Variants in ZNF624 observed in about 807,000 individuals in gnomAD.
ZNF624 encodes the protein zinc finger protein 624.
Under a neutral mutation model 74.7 loss-of-function variants are expected in ZNF624, and 43 were observed. That is an observed-to-expected ratio of 0.58 (90% confidence interval 0.45 to 0.74). The LOEUF (loss-of-function observed/expected upper bound fraction) is 0.74. Among genes scored for constraint, ZNF624 ranks in the 30% least tolerant of loss-of-function variants. The probability of loss-of-function intolerance (pLI) is 0.00; values close to 1 mark genes in which losing one functional copy is unlikely to be tolerated. For synonymous variants in ZNF624, 331 were observed against 341.3 expected (o/e 0.97, Z 0.33); for missense variants, 820 against 1,030.0 (o/e 0.80, Z 2.79).
At chr17:16,626,784 C>A (rs1042963650) in intron 5 of ZNF624, among the ~76,000 whole-genome samples, 1 of 152,030 alleles carries the variant, frequency 6.6e-6, no homozygotes, top group African/African-American at 2.4e-5. Context: ...AGGCCGGGCA[C>A]AGTGGCTCAC....
chr17:16,615,332 C>T, the ZNF624 span, among the ~76,000 whole-genome samples: 4 of 152,088 alleles, frequency 2.6e-5, no homozygotes, highest in East Asian at 3.9e-4. Context: ...CTCCTGACCT[C>T]GTGGTCTGCC....
downstream of ZNF624, among the ~76,000 whole-genome samples, chr17:16,615,956 C>CATATATATATATATAT (rs56321425): frequency 1.1e-4 from 10 of 90,304 alleles, no homozygotes; most frequent in East Asian, 2.7e-4. Context: ...ATTCCATATA[C>CATATATATATATATAT]ATATATATAT....
intron 1 of ZNF624, among the ~76,000 whole-genome samples, chr17:16,653,366 C>G (rs1052157461): frequency 3.9e-5 from 6 of 152,282 alleles, no homozygotes; most frequent in African/African-American, 7.2e-5. Context: ...CTCCTCTACC[C>G]ACTTCGGGTA....
chr17:16,648,927 A>G (rs1338053335), intron 2 of ZNF624, among the ~76,000 whole-genome samples: 1 of 152,234 alleles, frequency 6.6e-6, no homozygotes. Flanking sequence ...AACTATCTTC[A>G]TAAATACTTT....
intron 3 of ZNF624, among the ~76,000 whole-genome samples, chr17:16,643,284 C>A (rs1351249759): frequency 1.3e-5 from 2 of 152,198 alleles, no homozygotes; most frequent in Admixed American, 1.3e-4. Context: ...TACTCATCAA[C>A]TGACAAACGG....
downstream of ZNF624, chr17:16,616,935 G>C (rs1313412728): frequency 6.4e-7 from 1 of 1,557,700 alleles, no homozygotes; most frequent in African/African-American, 1.4e-5. Context: ...TTGGTGGAGG[G>C]GACACAGAGC....
downstream of ZNF624, chr17:16,617,723 G>A (rs1908821686): frequency 1.2e-6 from 2 of 1,603,236 alleles, no homozygotes; most frequent in Non-Finnish European, 1.7e-6. Flanking sequence ...TGTTCAGCTC[G>A]TAAAGGGCGT....
intron 3 of ZNF624, among the ~76,000 whole-genome samples, chr17:16,637,669 G>C (rs540457198): frequency 1.4e-4 from 21 of 152,304 alleles, no homozygotes; most frequent in African/African-American, 4.3e-4. Context: ...GCCATATGTA[G>C]AAAGCTGAAA....
intron 3 of ZNF624, among the ~76,000 whole-genome samples, chr17:16,642,128 CT>C (rs948815056): frequency 6.6e-6 from 1 of 151,274 alleles, no homozygotes; most frequent in Non-Finnish European, 1.5e-5. Flanking sequence ...TTCCATCTGG[CT>C]TTTTTTTTCC....
intron 3 of ZNF624, among the ~76,000 whole-genome samples, chr17:16,645,047 A>G (rs568993810): frequency 1.1e-4 from 16 of 152,356 alleles, no homozygotes; most frequent in African/African-American, 3.4e-4. Context: ...CAGTCTGGAC[A>G]TGGTATTGAC....
At chr17:16,645,876 C>T (rs553628640) in intron 3 of ZNF624, among the ~76,000 whole-genome samples, 59 of 133,280 alleles carry the variant, frequency 4.4e-4, no homozygotes, top group Middle Eastern at 4.6e-3. Context: ...CGCTTGTACC[C>T]GGGAGGCAGA....
Position 16,645,812 on chromosome 17 carries a change from C to T in ZNF624, c.153+1517G>A, listed in dbSNP as rs549013251. ...ACTGAAAATACAAAAATTAGCCGCC[C>T]GTGGTAGTAGGTCCCTGTAATCCCG... On this transcript the variant is annotated intron_variant, in intron 3 of 5. Transcript: ENST00000311331. Among the ~76,000 whole-genome samples the T allele has an allele frequency of 8.6e-5, 13 of 151,198 alleles. No individual in the cohort carries two copies. In the South Asian group the frequency reaches 2.1e-3, roughly 24 times the overall value.
intron 3 of ZNF624, among the ~76,000 whole-genome samples, chr17:16,645,809 G>A (rs956644334): frequency 2.6e-5 from 4 of 151,380 alleles, no homozygotes; most frequent in Admixed American, 6.6e-5. Context: ...AAAATTAGCC[G>A]CCCGTGGTAG....
downstream of ZNF624, among the ~76,000 whole-genome samples, chr17:16,619,420 A>G (rs1434055176): frequency 6.6e-6 from 1 of 152,106 alleles, no homozygotes; most frequent in East Asian, 1.9e-4. Context: ...TAAGCTGCAG[A>G]TGAGATATGT....
At chr17:16,645,710 G>A (rs1909574419) in intron 3 of ZNF624, among the ~76,000 whole-genome samples, 1 of 150,908 alleles carries the variant, frequency 6.6e-6, no homozygotes, top group Admixed American at 6.6e-5. Flanking sequence ...CCAGCATTTT[G>A]GGAGGCTGAG....
chr17:16,628,696 G>A (rs1909131867), intron 5 of ZNF624, among the ~76,000 whole-genome samples: 1 of 151,922 alleles, frequency 6.6e-6, no homozygotes, highest in African/African-American at 2.4e-5. Flanking sequence ...CAGAGTCCTA[G>A]AAGGTTACAA....
chr17:16,651,860 G>C (rs1357270912), intron 1 of ZNF624, among the ~76,000 whole-genome samples: 4 of 152,036 alleles, frequency 2.6e-5, no homozygotes, highest in African/African-American at 9.7e-5. Flanking sequence ...CTAGATGTGA[G>C]GCACAGAAAT....
At chr17:16,644,804 C>T (rs950752726) in intron 3 of ZNF624, among the ~76,000 whole-genome samples, 3 of 152,050 alleles carry the variant, frequency 2.0e-5, no homozygotes, top group Non-Finnish European at 4.4e-5. Flanking sequence ...TCATAATTAC[C>T]CGTTTTGAGC....
At chr17:16,648,204 A>G (rs149911067) in intron 2 of ZNF624, among the ~76,000 whole-genome samples, 195 of 151,856 alleles carry the variant, frequency 1.3e-3, no homozygotes, top group African/African-American at 4.6e-3. Flanking sequence ...TCAGCCTCCC[A>G]AAGTGCTAGG....
Sources: allele counts gnomAD v4.1 joint callset (sites outside exome capture counted in the v4.1 genomes callset), GRCh38; gene constraint gnomAD v4.1.1; transcripts MANE v1.5; gene names NCBI Gene and HGNC (gene_info 2026-07-23, HGNC 2026-07-21).